Variants in CA10 observed in about 807,000 individuals in gnomAD.
The protein encoded by CA10 is carbonic anhydrase-related protein 10.
Under a neutral mutation model 44.2 loss-of-function variants are expected in CA10, and 14 were observed. That is an observed-to-expected ratio of 0.32 (90% CI 0.21 to 0.50). CA10 has a LOEUF of 0.50. Ranked by LOEUF, CA10 falls within the 20% of genes least tolerant of loss-of-function variation. The pLI, the probability that CA10 is intolerant of heterozygous loss-of-function variation, is 0.99. For missense variants in CA10, 350 were observed against 409.7 expected (o/e 0.85, Z 1.26); for synonymous variants, 159 against 141.6 (o/e 1.12, Z -0.87).
intron 3 of CA10, among the ~76,000 whole-genome samples, chr17:51,819,767 C>T (rs1398871518): frequency 6.6e-6 from 1 of 152,204 alleles, no homozygotes; most frequent in East Asian, 1.9e-4. Flanking sequence ...GAGGGGCTTC[C>T]AGTCCAGTGA....
At chr17:51,947,044 A>G (rs1983304584) in intron 2 of CA10, among the ~76,000 whole-genome samples, 1 of 152,132 alleles carries the variant, frequency 6.6e-6, no homozygotes, top group Non-Finnish European at 1.5e-5. Flanking sequence ...AGAGAAAAAC[A>G]GTAAAAACAA....
intron 3 of CA10, among the ~76,000 whole-genome samples, chr17:51,877,236 G>C (rs572543759): frequency 2.0e-5 from 3 of 152,364 alleles, no homozygotes; most frequent in East Asian, 3.9e-4. Flanking sequence ...ACATGGAAGA[G>C]AGTACCCTGC....
Position 52,157,913 on chromosome 17 carries a change from G to GAGCGAGTGC in CA10, c.-128_-127insGCACTCGCT. On this transcript the variant is annotated 5_prime_UTR_variant, in exon 1 of 9. Coordinates refer to ENST00000451037, the MANE Select transcript of CA10 (RefSeq NM_020178.5). ...CGAGTGCACACTCGCACTCCCACCC[G>GAGCGAGTGC]ACAGCCGGCCAGGGACAGTCACCCC... 1.3e-6 allele frequency: 1 copy of GAGCGAGTGC among 772,566 alleles called. No homozygotes were observed. Among genetic ancestry groups the GAGCGAGTGC allele is most frequent in the Admixed American group, 1.8e-5 (1 of 54,324 alleles). 47.9% of individuals were successfully genotyped at this position (772,566 alleles called of 1,614,324 possible). A position where few individuals can be genotyped will look rare whatever the true frequency, so the allele number is the denominator to read the frequency against.
At chr17:51,846,265 A>C (rs959040277) in intron 3 of CA10, among the ~76,000 whole-genome samples, 2 of 152,234 alleles carry the variant, frequency 1.3e-5, no homozygotes, top group African/African-American at 2.4e-5. Flanking sequence ...GCATCCATCC[A>C]ATGTTGAAGA....
chr17:52,117,683 C>T (rs1988927972), intron 1 of CA10, among the ~76,000 whole-genome samples: 2 of 152,126 alleles, frequency 1.3e-5, no homozygotes, highest in Admixed American at 6.5e-5. Flanking sequence ...TTTTACATTA[C>T]AGTTAAAAAT....
chr17:51,922,085 G>C (rs1982255971), intron 3 of CA10, among the ~76,000 whole-genome samples: 1 of 152,104 alleles, frequency 6.6e-6, no homozygotes, highest in African/African-American at 2.4e-5. Flanking sequence ...GTTCTTCTCT[G>C]CCAGTCATTG....
intron 4 of CA10, among the ~76,000 whole-genome samples, chr17:51,728,631 G>C (rs749245406): frequency 2.6e-5 from 4 of 152,136 alleles, no homozygotes; most frequent in African/African-American, 4.8e-5. Context: ...CCTTCTCTTC[G>C]CATCAGAGGT....
At chr17:51,764,820 A>C (rs886654187) in intron 3 of CA10, among the ~76,000 whole-genome samples, 1 of 152,024 alleles carries the variant, frequency 6.6e-6, no homozygotes, top group Non-Finnish European at 1.5e-5. Context: ...CTAGCTCTCC[A>C]CCTATAGGGA....
chr17:52,146,671 A>T (rs1013356451), intron 1 of CA10, among the ~76,000 whole-genome samples: 1 of 149,444 alleles, frequency 6.7e-6, no homozygotes, highest in African/African-American at 2.5e-5. Flanking sequence ...ACTCCGTCTC[A>T]AAATAAATAA....
chr17:51,943,658 A>C (rs12103661), intron 2 of CA10, among the ~76,000 whole-genome samples: 20,618 of 152,158 alleles, frequency 0.14, 1,771 homozygotes, highest in South Asian at 0.31. Context: ...TCTGGGACTC[A>C]AACCAGAGAC....
intron 1 of CA10, among the ~76,000 whole-genome samples, chr17:52,093,406 T>C (rs1448895456): frequency 6.6e-6 from 1 of 152,138 alleles, no homozygotes; most frequent in East Asian, 1.9e-4. Flanking sequence ...TTTGTACAAA[T>C]GCTATTTACA....
At chr17:51,753,332 T>G (rs917597907) in intron 3 of CA10, among the ~76,000 whole-genome samples, 4 of 152,240 alleles carry the variant, frequency 2.6e-5, no homozygotes, top group African/African-American at 9.6e-5. Flanking sequence ...TGTATTTATT[T>G]TGCAAAATTA....
intron 1 of CA10, among the ~76,000 whole-genome samples, chr17:52,111,860 G>T (rs774964401): frequency 6.6e-6 from 1 of 152,110 alleles, no homozygotes; most frequent in Non-Finnish European, 1.5e-5. Flanking sequence ...CAAATAAAAA[G>T]GAGCCTAAAC....
chr17:51,647,936 C>T (rs1365052727), intron 6 of CA10, among the ~76,000 whole-genome samples: 3 of 152,138 alleles, frequency 2.0e-5, no homozygotes, highest in Middle Eastern at 3.2e-3. Flanking sequence ...CGGGATTCTC[C>T]AGGTTCATTC....
intron 7 of CA10, among the ~76,000 whole-genome samples, chr17:51,634,349 C>A (rs762997269): frequency 2.0e-5 from 3 of 152,200 alleles, no homozygotes; most frequent in Non-Finnish European, 4.4e-5. Flanking sequence ...TGTTGCCTGT[C>A]ACCCAGTGGG....
At chr17:52,023,312 C>A (rs993933516) in intron 2 of CA10, among the ~76,000 whole-genome samples, 1 of 152,022 alleles carries the variant, frequency 6.6e-6, no homozygotes, top group Non-Finnish European at 1.5e-5. Context: ...CATATCCCTA[C>A]AACCAATCAA....
intron 2 of CA10, among the ~76,000 whole-genome samples, chr17:52,023,893 T>C (rs1396578451): frequency 6.6e-6 from 1 of 152,180 alleles, no homozygotes; most frequent in Non-Finnish European, 1.5e-5. Context: ...TCTGTCTATA[T>C]TTAAAATTTT....
intron 3 of CA10, among the ~76,000 whole-genome samples, chr17:51,827,818 C>G (rs1908086186): frequency 6.6e-6 from 1 of 152,148 alleles, no homozygotes; most frequent in East Asian, 1.9e-4. Context: ...CTGCATCTCC[C>G]AGCTTTCCTT....
intron 2 of CA10, among the ~76,000 whole-genome samples, chr17:52,023,357 T>A (rs1355028594): frequency 6.6e-6 from 1 of 151,828 alleles, no homozygotes; most frequent in African/African-American, 2.4e-5. Flanking sequence ...TCAACAAAAA[T>A]AAGCAATGAG....
Sources: allele counts gnomAD v4.1 joint callset (sites outside exome capture counted in the v4.1 genomes callset), GRCh38; gene constraint gnomAD v4.1.1; transcripts MANE v1.5; gene names NCBI Gene and HGNC (gene_info 2026-07-23, HGNC 2026-07-21).